The following FHIT variants were observed in gnomAD, a reference collection of about 807,000 sequenced individuals.
FHIT encodes fragile histidine triad diadenosine triphosphatase, also known as bis(5'-adenosyl)-triphosphatase.
A neutral mutation model predicts 17.9 loss-of-function variants in FHIT; 19 were observed. The observed-to-expected ratio is 1.06, with a 90% confidence interval of 0.74 to 1.56. FHIT has a LOEUF of 1.56. Ranked by LOEUF, FHIT falls within the 40% of genes most tolerant of loss-of-function variation. FHIT has a pLI of 0.00. For missense variants in FHIT, 248 were observed against 189.2 expected, an observed-to-expected ratio of 1.31 and a Z score of -1.82; for synonymous variants, 81 against 69.7, an observed-to-expected ratio of 1.16 and a Z score of -0.81.
chr3:60,626,783 C>CTTTTTTTTTTTTTTTTTTTT (rs71627548), intron 4 of FHIT, among the ~76,000 whole-genome samples: 1 of 85,940 alleles, frequency 1.2e-5, no homozygotes, highest in African/African-American at 3.5e-5. Context: ...GGGGAAAACA[C>CTTTTTTTTTTTTTTTTTTTT]TCTTTTTTTT....
chr3:61,175,205 C>A (rs1229543833), intron 2 of FHIT, among the ~76,000 whole-genome samples: 1 of 152,000 alleles, frequency 6.6e-6, no homozygotes, highest in Admixed American at 6.6e-5. Context: ...CAAAAAACAA[C>A]AAAAATAAGC....
intron 5 of FHIT, among the ~76,000 whole-genome samples, chr3:60,485,368 G>C (rs1223613379): frequency 1.3e-5 from 2 of 152,088 alleles, no homozygotes; most frequent in African/African-American, 2.4e-5. Flanking sequence ...GTTTAGTGCA[G>C]CGTCATTTAC....
chr3:60,209,758 A>G (rs1703364467), intron 5 of FHIT, among the ~76,000 whole-genome samples: 1 of 152,186 alleles, frequency 6.6e-6, no homozygotes, highest in South Asian at 2.1e-4. Flanking sequence ...ACAGCCATAA[A>G]AAGGAATGAG....
chr3:60,757,248 A>G (rs971960027), intron 4 of FHIT, among the ~76,000 whole-genome samples: 1 of 152,204 alleles, frequency 6.6e-6, no homozygotes, highest in Non-Finnish European at 1.5e-5. Context: ...CCTTTACTCA[A>G]TCACCCAATA....
At chr3:60,268,924 A>G (rs1334946916) in intron 5 of FHIT, among the ~76,000 whole-genome samples, 1 of 152,124 alleles carries the variant, frequency 6.6e-6, no homozygotes, top group Non-Finnish European at 1.5e-5. Flanking sequence ...CACAGTGATG[A>G]AAAGTGAGAA....
intron 3 of FHIT, among the ~76,000 whole-genome samples, chr3:61,028,560 C>T (rs568852997): frequency 6.6e-6 from 1 of 152,152 alleles, no homozygotes; most frequent in Non-Finnish European, 1.5e-5. Context: ...AATCAGGCAG[C>T]CTGTGCTCAA....
intron 5 of FHIT, among the ~76,000 whole-genome samples, chr3:60,501,514 C>T (rs9881736): frequency 0.18 from 26,950 of 152,166 alleles, 2,574 homozygotes; most frequent in Middle Eastern, 0.23. Flanking sequence ...TAATGCCTCT[C>T]ACAGTTGACT....
At chr3:60,946,451 G>A (rs1310382149) in intron 3 of FHIT, among the ~76,000 whole-genome samples, 1 of 152,180 alleles carries the variant, frequency 6.6e-6, no homozygotes, top group African/African-American at 2.4e-5. Context: ...CCCTAGGAGA[G>A]TGGTACTTCC....
chr3:60,304,370 G>A (rs1445300772), intron 5 of FHIT, among the ~76,000 whole-genome samples: 1 of 151,732 alleles, frequency 6.6e-6, no homozygotes, highest in East Asian at 1.9e-4. Context: ...TTGGCTTATT[G>A]GAGCAAATGA....
intron 4 of FHIT, among the ~76,000 whole-genome samples, chr3:60,811,619 T>C (rs1388896488): frequency 1.3e-5 from 2 of 152,114 alleles, no homozygotes; most frequent in Admixed American, 6.6e-5. Flanking sequence ...ACTAGTAAGA[T>C]CCATAACAAG....
At chr3:60,904,738 A>C (rs1706308999) in intron 3 of FHIT, among the ~76,000 whole-genome samples, 1 of 151,820 alleles carries the variant, frequency 6.6e-6, no homozygotes, top group Non-Finnish European at 1.5e-5. Flanking sequence ...TCAGGAGTTC[A>C]AGACCAGCCT....
chr3:61,082,958 C>T (rs1164454876), intron 2 of FHIT, among the ~76,000 whole-genome samples: 1 of 152,048 alleles, frequency 6.6e-6, no homozygotes, highest in Non-Finnish European at 1.5e-5. Context: ...GTGGTATGGC[C>T]GTAGACTACC....
chr3:60,301,735 C>T (rs1243203264), intron 5 of FHIT, among the ~76,000 whole-genome samples: 2 of 152,146 alleles, frequency 1.3e-5, no homozygotes, highest in African/African-American at 2.4e-5. Flanking sequence ...GAAAATTTTA[C>T]ACCTAATTTT....
intron 4 of FHIT, among the ~76,000 whole-genome samples, chr3:60,609,329 ATTTAT>A (rs2038710362): frequency 7.7e-6 from 1 of 129,866 alleles, no homozygotes; most frequent in Admixed American, 7.6e-5. Flanking sequence ...TTCCTTTTTT[ATTTAT>A]TTTTTTTTTG....
intron 5 of FHIT, among the ~76,000 whole-genome samples, chr3:60,105,456 G>C (rs1347782206): frequency 6.6e-6 from 1 of 152,152 alleles, no homozygotes; most frequent in South Asian, 2.1e-4. Context: ...TGAGATATGT[G>C]TGGCTTCTCT....
At chr3:60,123,997 TATATATATATATAG>T (rs1208185768) in intron 5 of FHIT, among the ~76,000 whole-genome samples, 40 of 33,940 alleles carry the variant, frequency 1.2e-3, no homozygotes, top group African/African-American at 3.4e-3. Context: ...TATATATATA[TATATATATATATAG>T]AGAGAGAGAG....
At chr3:60,209,166 CAT>C (rs749564191) in intron 5 of FHIT, among the ~76,000 whole-genome samples, 16 of 152,130 alleles carry the variant, frequency 1.1e-4, no homozygotes, top group Non-Finnish European at 2.4e-4. Context: ...TAGTGATTAA[CAT>C]ATTTTTAATA....
intron 7 of FHIT, among the ~76,000 whole-genome samples, chr3:59,945,614 G>T (rs1374713229): frequency 6.6e-6 from 1 of 151,720 alleles, no homozygotes; most frequent in African/African-American, 2.4e-5. Context: ...GTACAGAATG[G>T]TATTTCCTAA....
chr3:60,097,593 G>A (rs892106951), intron 5 of FHIT, among the ~76,000 whole-genome samples: 5 of 152,134 alleles, frequency 3.3e-5, no homozygotes, highest in South Asian at 2.1e-4. Flanking sequence ...ATGTGAAGAC[G>A]ATAAGGATGA....
Sources: allele counts gnomAD v4.1 joint callset (sites outside exome capture counted in the v4.1 genomes callset), GRCh38; gene constraint gnomAD v4.1.1; transcripts MANE v1.5; gene names NCBI Gene and HGNC (gene_info 2026-07-23, HGNC 2026-07-21).